The following RAI2 variants were observed in gnomAD, a reference collection of about 807,000 sequenced individuals.
RAI2 encodes the protein retinoic acid-induced protein 2.
Under a neutral mutation model 15.3 loss-of-function variants are expected in RAI2, and 5 were observed. The observed-to-expected ratio is 0.33, with a 90% confidence interval of 0.17 to 0.69. The LOEUF is 0.69. Ranked by LOEUF, RAI2 falls within the 30% of genes least tolerant of loss-of-function variation. The pLI is 0.69. For missense variants in RAI2, 424 were observed against 424.7 expected (o/e 1.00, Z 0.01); for synonymous variants, 191 against 184.0 (o/e 1.04, Z -0.31).
chrX:17,818,762 G>A (rs2067132405), intron 1 of RAI2, among the ~76,000 whole-genome samples: 1 of 112,195 alleles, frequency 8.9e-6, no homozygotes, highest in Non-Finnish European at 1.9e-5. Context: ...GGATTTTGGA[G>A]GATTTCCAGT....
Position 17,805,681 on chromosome X carries a change from G to A in RAI2, c.-24-3647C>T, listed in dbSNP as rs188619747. Among the ~76,000 whole-genome samples the A allele has an allele frequency of 2.6e-3, 291 of 112,364 alleles. 1 individual carries two copies. The highest frequency in any genetic ancestry group is 8.7e-3 in the African/African-American group (269 of 30,937). On this transcript the variant is annotated intron_variant, in intron 1 of 1. Coordinates refer to ENST00000451717, the MANE Select transcript of RAI2 (RefSeq NM_021785.6). ...GGGGAGCAGTATGCAGGATCTCAGG[G>A]CAAAGGGGAAAAACCCCTGGCCCAA...
chrX:17,829,513 A>C (rs2067260917), intron 1 of RAI2, among the ~76,000 whole-genome samples: 1 of 111,469 alleles, frequency 9.0e-6, no homozygotes. Flanking sequence ...AGCTGGATTT[A>C]GGAACCTCTT....
At chrX:17,807,653 C>T (rs2066996599) in intron 1 of RAI2, among the ~76,000 whole-genome samples, 1 of 111,862 alleles carries the variant, frequency 8.9e-6, no homozygotes, top group Admixed American at 9.5e-5. Flanking sequence ...GGGTCAGACC[C>T]GCAGGTGCCA....
At chrX:17,860,981 G>A (rs2067682458) in intron 1 of RAI2, 117 bp downstream of exon 1, 1 of 104,748 alleles carries the variant, frequency 9.5e-6, no homozygotes, top group African/African-American at 3.4e-5. Flanking sequence ...GCCCCTCCCC[G>A]GGCGCCGGGC....
At position 17,840,224 on chromosome X, in the gene RAI2, A is replaced by G. The variant is rs12688823; in HGVS notation, c.-25+20874T>C. ...ATTACCAATACTCAGAGGCAGCTGGACCTTGAGGCCAGTGAGTTCAGCATT... is the reference window on the plus strand; with the variant it reads ...ATTACCAATACTCAGAGGCAGCTGGGCCTTGAGGCCAGTGAGTTCAGCATT... On this transcript the variant is annotated intron_variant, in intron 1 of 1. Transcript: ENST00000451717. Among the ~76,000 whole-genome samples, 54 of 111,878 alleles carry G rather than the reference A, an allele frequency of 4.8e-4. No individual in the cohort carries two copies. The East Asian group carries it at 0.014, about 29-fold the overall frequency.
chrX:17,852,227 G>A (rs367603438), intron 1 of RAI2, among the ~76,000 whole-genome samples: 5 of 111,989 alleles, frequency 4.5e-5, no homozygotes, highest in African/African-American at 1.3e-4. Flanking sequence ...TCTTCATGGC[G>A]ACAAGGAAGA....
chrX:17,843,894 G>C (rs2067428137), intron 1 of RAI2, among the ~76,000 whole-genome samples: 1 of 112,487 alleles, frequency 8.9e-6, no homozygotes, highest in Admixed American at 9.4e-5. Context: ...TTTATTCTTA[G>C]GAGAGAAGTT....
Position 17,830,741 on chromosome X carries a change from T to G in RAI2, c.-24-28707A>C, listed in dbSNP as rs767971698. ...GCTCAGAGGTCATCTGGGGTGTGTG[T>G]GGGGGGGTGTTATACCTCCACAACC... On this transcript the variant is annotated intron_variant, in intron 1 of 1. Transcript: ENST00000451717. Among the ~76,000 whole-genome samples, 67 of 110,730 alleles carry G rather than the reference T, an allele frequency of 6.1e-4. 1 individual carries two copies. The highest frequency in any genetic ancestry group is 2.1e-3 in the African/African-American group (63 of 30,369).
intron 1 of RAI2, among the ~76,000 whole-genome samples, chrX:17,853,240 C>T (rs1185909686): frequency 1.8e-5 from 2 of 112,031 alleles, no homozygotes; most frequent in Non-Finnish European, 3.8e-5. Context: ...AGTCTCTATG[C>T]TTATACAATC....
chrX:17,810,253 C>T (rs2067032308), intron 1 of RAI2, among the ~76,000 whole-genome samples: 1 of 112,071 alleles, frequency 8.9e-6, no homozygotes, highest in African/African-American at 3.2e-5. Context: ...GAGTTTAACA[C>T]ACGAGCTATA....
intron 1 of RAI2, among the ~76,000 whole-genome samples, chrX:17,812,768 A>G (rs2067063686): frequency 8.9e-6 from 1 of 112,119 alleles, no homozygotes; most frequent in South Asian, 3.7e-4. Flanking sequence ...GGGTAAGGAT[A>G]AGAGGGAGAG....
At chrX:17,835,380 A>T (rs1165537254) in intron 1 of RAI2, among the ~76,000 whole-genome samples, 1 of 112,363 alleles carries the variant, frequency 8.9e-6, no homozygotes, top group Non-Finnish European at 1.9e-5. Flanking sequence ...CCAGGCAATG[A>T]AGGGCACAGG....
At chrX:17,841,551 G>C (rs753159019) in intron 1 of RAI2, among the ~76,000 whole-genome samples, 1 of 112,787 alleles carries the variant, frequency 8.9e-6, no homozygotes, top group Non-Finnish European at 1.9e-5. Flanking sequence ...TTTGCAGAAA[G>C]TCCATGTGTG....
At position 17,823,774 on chromosome X, in the gene RAI2, C is replaced by A. The variant is rs780729857; in HGVS notation, c.-24-21740G>T. Among the ~76,000 whole-genome samples, 5 of 112,168 alleles carry A rather than the reference C, an allele frequency of 4.5e-5. No individual in the cohort carries two copies. The East Asian group carries it at 1.4e-3, about 31-fold the overall frequency. On this transcript the variant is annotated intron_variant, in intron 1 of 1. Coordinates refer to ENST00000451717, the MANE Select transcript of RAI2 (RefSeq NM_021785.6). ...CACCCAAGGCCAGTGAAATCAAAAT[C>A]ATCCATGGTTGGGCCTGGGCATCAG...
intron 1 of RAI2, among the ~76,000 whole-genome samples, chrX:17,816,046 TTC>T (rs767718604): frequency 1.2e-3 from 132 of 105,729 alleles, no homozygotes; most frequent in Admixed American, 1.4e-3. Context: ...TTCTTTTTCT[TTC>T]TCTCTCTCTC....
At chrX:17,822,294 C>T (rs1278456143) in intron 1 of RAI2, among the ~76,000 whole-genome samples, 1 of 111,703 alleles carries the variant, frequency 9.0e-6, no homozygotes, top group African/African-American at 3.3e-5. Flanking sequence ...GTTCACTTAC[C>T]CCCTCTCTTT....
intron 1 of RAI2, among the ~76,000 whole-genome samples, chrX:17,857,933 A>G (rs1001585607): frequency 9.9e-5 from 11 of 111,352 alleles, no homozygotes; most frequent in South Asian, 3.8e-4. Flanking sequence ...CTTCCCCCCA[A>G]TCCCCACCAA....
At chrX:17,827,254 G>A (rs1244690092) in intron 1 of RAI2, among the ~76,000 whole-genome samples, 1 of 111,644 alleles carries the variant, frequency 9.0e-6, no homozygotes, top group Non-Finnish European at 1.9e-5. Flanking sequence ...TGATCCCCTT[G>A]CAGGCCACAC....
At chrX:17,846,321 C>T (rs2067455510) in intron 1 of RAI2, among the ~76,000 whole-genome samples, 1 of 111,344 alleles carries the variant, frequency 9.0e-6, no homozygotes, top group Non-Finnish European at 1.9e-5. Flanking sequence ...GTCTTAAGCA[C>T]CCTCTCAATC....
Sources: gnomAD v4.1 joint callset for allele counts (sites outside exome capture counted in the v4.1 genomes callset) on GRCh38, gnomAD v4.1.1 for gene constraint, MANE v1.5 for transcripts, NCBI Gene and HGNC (gene_info 2026-07-23, HGNC 2026-07-21) for gene names.